The following COP1 variants were observed in gnomAD, a reference collection of about 807,000 sequenced individuals.
COP1 encodes the protein E3 ubiquitin-protein ligase COP1.
Under a neutral mutation model 101.3 loss-of-function variants are expected in COP1, and 24 were observed. The observed-to-expected ratio is 0.24, with a 90% CI of 0.17 to 0.33. COP1 has a LOEUF of 0.33. COP1 is among the 10% of genes least tolerant of loss of function. The pLI, the probability that COP1 is intolerant of heterozygous loss-of-function variation, is 1.00. For synonymous variants in COP1, 347 were observed against 341.9 expected, an observed-to-expected ratio of 1.01 and a Z score of -0.17; for missense variants, 663 against 906.2, an observed-to-expected ratio of 0.73 and a Z score of 3.45.
At position 176,207,051 on chromosome 1, in the gene COP1, C is replaced by T. The variant is rs1393392208; in HGVS notation, c.-73G>A. 8.0e-6 allele frequency: 10 copies of T among 1,255,524 alleles called. No individual in the cohort carries two copies. Among genetic ancestry groups the T allele is most frequent in the South Asian group, 1.9e-5 (1 of 51,728 alleles). 77.8% of individuals were successfully genotyped at this position (1,255,524 alleles called of 1,614,324 possible). A position where few individuals can be genotyped will look rare whatever the true frequency, so the allele number is the denominator to read the frequency against. On this transcript the variant is annotated 5_prime_UTR_variant, in exon 1 of 20. Coordinates refer to ENST00000367669, the MANE Select transcript of COP1 (RefSeq NM_022457.7). ...ACCTCGACCCTCCGCCGCCTCCCCT[C>T]CCCTCAGCCTCAGTGCATCCTGAGG...
Position 176,083,584 on chromosome 1 carries a change from T to C in COP1, c.1141+2192A>G, listed in dbSNP as rs148926108. On this transcript the variant is annotated intron_variant, in intron 10 of 19. Coordinates refer to ENST00000367669, the MANE Select transcript of COP1 (RefSeq NM_022457.7). The stretch of plus-strand genomic sequence containing the variant: ...TTACAAATTGGTTTGTAAAAGTGTA[T>C]TCAATGTCTCTTTTCTTTCTCCTAG... Among the ~76,000 whole-genome samples, 1,011 of 152,330 alleles carry C rather than the reference T, an allele frequency of 6.6e-3. 12 individuals are homozygous for C. Among genetic ancestry groups the C allele is most frequent in the Non-Finnish European group, 9.4e-3 (637 of 68,022 alleles).
intron 9 of COP1, among the ~76,000 whole-genome samples, chr1:176,106,292 A>G (rs1684291088): frequency 6.6e-6 from 1 of 152,090 alleles, no homozygotes; most frequent in African/African-American, 2.4e-5. Context: ...TGACCTCCCA[A>G]AGTGCTGGGA....
At chr1:176,159,781 C>T (rs1694010257) in intron 5 of COP1, among the ~76,000 whole-genome samples, 1 of 152,056 alleles carries the variant, frequency 6.6e-6, no homozygotes, top group African/African-American at 2.4e-5. Flanking sequence ...ACATAAGAAA[C>T]GCATACACAT....
rs1381513206 is a variant in COP1, at chr1:175,945,161, A to G, written c.2188T>C (p.Leu730=). 6.3e-7 allele frequency: 1 copy of G among 1,580,462 alleles called. No homozygotes were observed. Among genetic ancestry groups the G allele is most frequent in the African/African-American group, 1.4e-5 (1 of 73,706 alleles). The change falls in exon 20 of 20, where the codon TTG becomes CTG. Residue 730 remains leucine (L), a synonymous_variant. Transcript: ENST00000367669. ...NSQGTIKVLE[L]V is the part of the protein sequence containing the mutation. ...TGACTTGAGTTAACCCTTCATACCA[A>G]TTCTAGCACCTAATTGGGGGGAAAA...
At chr1:176,093,161 T>G (rs897854306) in intron 9 of COP1, among the ~76,000 whole-genome samples, 1 of 152,158 alleles carries the variant, frequency 6.6e-6, no homozygotes, top group Non-Finnish European at 1.5e-5. Flanking sequence ...GTCAACATAT[T>G]GATAAACATA....
At chr1:176,193,495 G>C (rs1329885871) in intron 1 of COP1, among the ~76,000 whole-genome samples, 1 of 151,978 alleles carries the variant, frequency 6.6e-6, no homozygotes, top group Non-Finnish European at 1.5e-5. Flanking sequence ...ATTCATAATA[G>C]ACAGAAAGTG....
chr1:176,026,028 A>T (rs570531281), intron 15 of COP1, among the ~76,000 whole-genome samples: 1 of 152,158 alleles, frequency 6.6e-6, no homozygotes, highest in African/African-American at 2.4e-5. Context: ...TCCCAAAAGA[A>T]TTTTTCTAGA....
chr1:175,998,063 TAAAAAAAAAAAAAAA>T (rs57110017), intron 15 of COP1, among the ~76,000 whole-genome samples: 2 of 66,802 alleles, frequency 3.0e-5, no homozygotes, highest in Non-Finnish European at 4.8e-5. Context: ...AGAGTATAAT[TAAAAAAAAAAAAAAA>T]AAAAAAAAAA....
intron 11 of COP1, among the ~76,000 whole-genome samples, chr1:176,077,376 C>A (rs1678242097): frequency 6.6e-6 from 1 of 152,000 alleles, no homozygotes; most frequent in African/African-American, 2.4e-5. Context: ...TGATTTACCA[C>A]ATAAATAGAA....
intron 15 of COP1, among the ~76,000 whole-genome samples, chr1:176,014,457 T>C (rs1367435135): frequency 6.6e-6 from 1 of 152,230 alleles, no homozygotes; most frequent in African/African-American, 2.4e-5. Context: ...ACTATTCTAA[T>C]TATCTGTTAG....
At chr1:175,948,694 A>C (rs1482119414) in intron 18 of COP1, among the ~76,000 whole-genome samples, 1 of 152,208 alleles carries the variant, frequency 6.6e-6, no homozygotes, top group Non-Finnish European at 1.5e-5. Context: ...ATACAAGAAA[A>C]TAATAATGTC....
intron 14 of COP1, among the ~76,000 whole-genome samples, chr1:176,042,455 C>A (rs1221748863): frequency 7.8e-6 from 1 of 128,276 alleles, no homozygotes; most frequent in Non-Finnish European, 1.6e-5. Flanking sequence ...CCCAGCCACT[C>A]GGGAGGGTGA....
At chr1:176,185,851 C>A (rs1698378564) in intron 1 of COP1, among the ~76,000 whole-genome samples, 1 of 152,180 alleles carries the variant, frequency 6.6e-6, no homozygotes, top group Non-Finnish European at 1.5e-5. Flanking sequence ...GCATACAAAT[C>A]CAAATCCTTA....
intron 11 of COP1, among the ~76,000 whole-genome samples, chr1:176,056,989 A>G (rs1013622205): frequency 6.6e-6 from 1 of 152,214 alleles, no homozygotes; most frequent in African/African-American, 2.4e-5. Context: ...CTGTCTCACA[A>G]TCTACGTTAT....
chr1:176,207,081 C>T lies in COP1; in HGVS notation c.-103G>A. 6.2e-6 allele frequency: 6 copies of T among 969,028 alleles called. No homozygotes were observed. Among genetic ancestry groups the T allele is most frequent in the South Asian group, 2.6e-5 (1 of 38,494 alleles). The allele number at this position is 969,028 out of a possible 1,614,324, so 60.0% of individuals were successfully genotyped here. ...CAGCCTCAGTGCATCCTGAGGACGC[C>T]CGCCGAGCCGGAGGTGGGGCTGAGG... On this transcript the variant is annotated 5_prime_UTR_variant, in exon 1 of 20. Transcript: ENST00000367669.
Position 176,176,015 on chromosome 1 carries a change from T to A in COP1, c.468-8A>T. 1.5e-6 allele frequency: 2 copies of A among 1,369,320 alleles called. No homozygotes were observed. The highest frequency in any genetic ancestry group is 1.0e-6 in the Non-Finnish European group (1 of 977,304). The allele number at this position is 1,369,320 out of a possible 1,614,324, so 84.8% of individuals were successfully genotyped here. On this transcript the variant is annotated splice_polypyrimidine_tract_variant and splice_region_variant and intron_variant, in intron 2 of 19. Coordinates refer to ENST00000367669, the MANE Select transcript of COP1 (RefSeq NM_022457.7). The stretch of plus-strand genomic sequence containing the variant: ...TGATGAATACACTTGTAGCTATTAG[T>A]AGGGGGGGAAAAAAAAGGCTTAATT...
intron 11 of COP1, among the ~76,000 whole-genome samples, chr1:176,073,846 T>C (rs1444121483): frequency 2.0e-5 from 3 of 152,230 alleles, no homozygotes; most frequent in African/African-American, 4.8e-5. Context: ...ACCAACATTA[T>C]GTCATGCAAT....
chr1:176,204,179 T>A (rs1700589613), intron 1 of COP1, among the ~76,000 whole-genome samples: 1 of 152,308 alleles, frequency 6.6e-6, no homozygotes, highest in East Asian at 1.9e-4. Flanking sequence ...TGTCCTTACC[T>A]GTCCAACGAC....
intron 18 of COP1, among the ~76,000 whole-genome samples, chr1:175,966,240 AG>A (rs1346329702): frequency 3.3e-5 from 5 of 152,006 alleles, no homozygotes; most frequent in Non-Finnish European, 7.4e-5. Context: ...AAAAAATCCA[AG>A]GGGGTTGAGT....
Sources: gnomAD v4.1 joint callset for allele counts (sites outside exome capture counted in the v4.1 genomes callset) on GRCh38, gnomAD v4.1.1 for gene constraint, MANE v1.5 for transcripts, NCBI Gene and HGNC (gene_info 2026-07-23, HGNC 2026-07-21) for gene names.